The following MTUS1 variants were observed in gnomAD, a reference collection of about 807,000 sequenced individuals.
MTUS1 encodes the protein microtubule associated scaffold protein 1, also known as microtubule-associated tumor suppressor 1.
A neutral mutation model predicts 120.8 loss-of-function variants in MTUS1; 109 were observed. That is an observed-to-expected ratio of 0.90 (90% CI 0.77 to 1.06). The LOEUF (loss-of-function observed/expected upper bound fraction) is 1.06. Among genes scored for constraint, MTUS1 ranks in the 50% least tolerant of loss-of-function variants. The pLI is 0.00. For synonymous variants in MTUS1, 737 were observed against 550.5 expected, an observed-to-expected ratio of 1.34 and a Z score of -4.74; for missense variants, 2,210 against 1,486.3, an observed-to-expected ratio of 1.49 and a Z score of -8.01.
intron 8 of MTUS1, among the ~76,000 whole-genome samples, chr8:17,665,350 C>T (rs1810664731): frequency 6.6e-6 from 1 of 152,198 alleles, no homozygotes; most frequent in African/African-American, 2.4e-5. Context: ...AATCAATCCT[C>T]CCATAAATGC....
At chr8:17,717,557 A>G (rs1822583219) in intron 4 of MTUS1, among the ~76,000 whole-genome samples, 1 of 152,208 alleles carries the variant, frequency 6.6e-6, no homozygotes, top group African/African-American at 2.4e-5. Context: ...ACTTATTCAT[A>G]TTTTAAAAAA....
intron 7 of MTUS1, chr8:17,676,105 C>A (rs1813046173): frequency 3.3e-6 from 2 of 599,276 alleles, no homozygotes; most frequent in Non-Finnish European, 3.0e-6. Context: ...CGAGGATCAC[C>A]CAAGACGGAG....
At chr8:17,772,157 ACT>A (rs1374198734) in intron 1 of MTUS1, among the ~76,000 whole-genome samples, 1 of 152,160 alleles carries the variant, frequency 6.6e-6, no homozygotes, top group Non-Finnish European at 1.5e-5. Flanking sequence ...TTAGGATAAA[ACT>A]CTAATTTTTA....
chr8:17,724,428 C>A (rs2904725), intron 3 of MTUS1, among the ~76,000 whole-genome samples: 71,453 of 151,778 alleles, frequency 0.47, 17,845 homozygotes, highest in Middle Eastern at 0.64. Flanking sequence ...ATTTGATAAG[C>A]AAAAATTTCA....
chr8:17,707,667 C>T (rs745898119), intron 6 of MTUS1, among the ~76,000 whole-genome samples: 1 of 152,182 alleles, frequency 6.6e-6, no homozygotes, highest in Non-Finnish European at 1.5e-5. Flanking sequence ...TACAGAAAAT[C>T]AAGGGACCCA....
intron 3 of MTUS1, among the ~76,000 whole-genome samples, chr8:17,743,050 A>G (rs1417746738): frequency 6.6e-6 from 1 of 152,098 alleles, no homozygotes; most frequent in Admixed American, 6.5e-5. Flanking sequence ...ATGATACTTA[A>G]TAGCTATTCT....
chr8:17,663,491 T>C (rs936893142), intron 8 of MTUS1, among the ~76,000 whole-genome samples: 2 of 152,214 alleles, frequency 1.3e-5, no homozygotes, highest in Non-Finnish European at 2.9e-5. Context: ...AATGTCCTAA[T>C]AGGATAGAGC....
At chr8:17,657,058 C>CAAAAAAAAAAA (rs1219286349) in intron 8 of MTUS1, among the ~76,000 whole-genome samples, 1 of 56,716 alleles carries the variant, frequency 1.8e-5, no homozygotes, top group African/African-American at 5.8e-5. Context: ...GATTCTGTCT[C>CAAAAAAAAAAA]AAAAAAAAAA....
chr8:17,787,451 T>A (rs766844508), intron 1 of MTUS1, among the ~76,000 whole-genome samples: 1 of 152,180 alleles, frequency 6.6e-6, no homozygotes, highest in Non-Finnish European at 1.5e-5. Context: ...TCTACTCCAA[T>A]GTGTAATCTT....
At chr8:17,782,820 A>G (rs1011353054) in intron 1 of MTUS1, among the ~76,000 whole-genome samples, 2 of 152,122 alleles carry the variant, frequency 1.3e-5, no homozygotes, top group African/African-American at 4.8e-5. Context: ...GCTCACACCT[A>G]TAATCCCAGC....
At chr8:17,713,766 T>G (rs73204298) in intron 5 of MTUS1, among the ~76,000 whole-genome samples, 5,312 of 152,222 alleles carry the variant, frequency 0.035, 119 homozygotes, top group Non-Finnish European at 0.052. Flanking sequence ...CTAAAAGAAA[T>G]CTATGATGCT....
At chr8:17,724,256 A>C in intron 3 of MTUS1, 1 of 302,466 alleles carries the variant, frequency 3.3e-6, no homozygotes, top group Non-Finnish European at 6.4e-6. Flanking sequence ...CATATAAGAA[A>C]TAAATAAGAA....
At chr8:17,776,333 G>A (rs2050430309) in intron 1 of MTUS1, among the ~76,000 whole-genome samples, 1 of 151,952 alleles carries the variant, frequency 6.6e-6, no homozygotes, top group African/African-American at 2.4e-5. Flanking sequence ...TATTGACGGT[G>A]GGGGCGGGGG....
chr8:17,682,236 T>C (rs1432058539), intron 7 of MTUS1, among the ~76,000 whole-genome samples: 4 of 151,980 alleles, frequency 2.6e-5, no homozygotes. Flanking sequence ...CTATCACAGG[T>C]TGGGCGCAGT....
At chr8:17,666,684 G>GA (rs1395912404) in intron 8 of MTUS1, among the ~76,000 whole-genome samples, 42 of 152,230 alleles carry the variant, frequency 2.8e-4, no homozygotes, top group African/African-American at 7.5e-4. Context: ...TAATAAGGAA[G>GA]AAAAACTGGT....
At chr8:17,683,300 C>G (rs1412352239) in intron 7 of MTUS1, among the ~76,000 whole-genome samples, 1 of 152,048 alleles carries the variant, frequency 6.6e-6, no homozygotes, top group Admixed American at 6.6e-5. Context: ...TTGAAACTGT[C>G]TACTAGTCTG....
At chr8:17,766,114 G>A (rs2049465768) in intron 1 of MTUS1, among the ~76,000 whole-genome samples, 1 of 152,168 alleles carries the variant, frequency 6.6e-6, no homozygotes, top group Admixed American at 6.5e-5. Flanking sequence ...TTGACACTGG[G>A]TGCCGATTTA....
intron 7 of MTUS1, 127 bp downstream of exon 7, chr8:17,684,201 G>T: frequency 1.5e-6 from 1 of 686,068 alleles, no homozygotes; most frequent in Non-Finnish European, 2.6e-6. Context: ...AAAATGTAAT[G>T]GGATGAATGA....
At chr8:17,799,431 A>T (rs954131624) in intron 1 of MTUS1, among the ~76,000 whole-genome samples, 2 of 152,154 alleles carry the variant, frequency 1.3e-5, no homozygotes, top group African/African-American at 4.8e-5. Context: ...TCTATATATT[A>T]ACAAGTATTT....
Sources: gnomAD v4.1 joint callset for allele counts (sites outside exome capture counted in the v4.1 genomes callset) on GRCh38, gnomAD v4.1.1 for gene constraint, MANE v1.5 for transcripts, NCBI Gene and HGNC (gene_info 2026-07-23, HGNC 2026-07-21) for gene names.